INO80D: variants seen among roughly 807,000 people sequenced by gnomAD.
The protein encoded by INO80D is INO80 complex subunit D.
Under a neutral mutation model 87.6 loss-of-function variants are expected in INO80D, and 21 were observed. The observed-to-expected ratio is 0.24, with a 90% CI of 0.17 to 0.35. INO80D has a LOEUF of 0.35. INO80D is among the 10% of genes least tolerant of loss of function. INO80D has a pLI of 1.00. For synonymous variants in INO80D, 440 were observed against 491.0 expected, an observed-to-expected ratio of 0.90 and a Z score of 1.37; for missense variants, 982 against 1,280.7, an observed-to-expected ratio of 0.77 and a Z score of 3.56.
At chr2:206,059,299 T>A (rs1160215941) in intron 3 of INO80D, among the ~76,000 whole-genome samples, 1 of 152,012 alleles carries the variant, frequency 6.6e-6, no homozygotes. Flanking sequence ...CAAAATCCCT[T>A]GAACCCATGA....
intron 1 of INO80D, among the ~76,000 whole-genome samples, chr2:206,080,715 G>A (rs939606734): frequency 2.2e-4 from 34 of 151,942 alleles, no homozygotes; most frequent in African/African-American, 3.9e-4. Context: ...AGACCATCCT[G>A]GCTAACACGG....
chr2:206,068,848 T>C (rs1689886632), intron 1 of INO80D, among the ~76,000 whole-genome samples: 1 of 152,006 alleles, frequency 6.6e-6, no homozygotes, highest in African/African-American at 2.4e-5. Flanking sequence ...TAAAGGCACA[T>C]ACCACTACAC....
At chr2:206,040,853 G>C (rs982841312) in intron 5 of INO80D, 2 of 159,470 alleles carry the variant, frequency 1.3e-5, no homozygotes, top group Non-Finnish European at 2.8e-5. Context: ...TAGATGTTTT[G>C]TTTCCATCTT....
chr2:206,035,741 C>A (rs1261327862), intron 5 of INO80D, among the ~76,000 whole-genome samples: 1 of 152,090 alleles, frequency 6.6e-6, no homozygotes, highest in African/African-American at 2.4e-5. Flanking sequence ...CGTAATTAAA[C>A]TAAAGAGCTT....
Position 205,998,316 on chromosome 2 carries a change from T to G in INO80D, c.*6052A>C, listed in dbSNP as rs1687844234. ...CAGTTCTAGGAACAGTTATAAATGG[T>G]CTAAAGGTGTTCTACATTTTGAGGC... On this transcript the variant is annotated 3_prime_UTR_variant, in exon 11 of 11. Transcript: ENST00000403263. 1 of 152,070 alleles carries G rather than the reference T, an allele frequency of 6.6e-6. No homozygotes were observed. The highest frequency in any genetic ancestry group is 2.4e-5 in the African/African-American group (1 of 41,418). 9.4% of individuals were successfully genotyped at this position (152,070 alleles called of 1,614,324 possible). A position where few individuals can be genotyped will look rare whatever the true frequency, so the allele number is the denominator to read the frequency against.
At chr2:206,050,694 C>T (rs573324529) in intron 4 of INO80D, among the ~76,000 whole-genome samples, 2 of 147,954 alleles carry the variant, frequency 1.4e-5, no homozygotes, top group African/African-American at 5.0e-5. Context: ...TTTCGCCGGG[C>T]GCGGTGGCTC....
chr2:206,028,090 A>C, intron 6 of INO80D, 21 bp downstream of exon 6: 1 of 1,492,238 alleles, frequency 6.7e-7, no homozygotes. Context: ...TCCCTTAAGA[A>C]TAGGTTGCTG....
chr2:206,005,580 C>A, intron 10 of INO80D, 47 bp from the exon 11 acceptor site: 1 of 1,358,686 alleles, frequency 7.4e-7, no homozygotes, highest in Non-Finnish European at 1.0e-6. Flanking sequence ...TTTACCAGTT[C>A]TACATCACAA....
rs1315789936 is a variant in INO80D, at chr2:206,004,561, G to A, written c.2891C>T (p.Ala964Val). ...SGMGPSAELM[A>V]STSPKQQLPQ... ...GAGTTGCTGCTTGGGAGAGGTGGAGGCCATTAGTTCAGCAGAAGGCCCCAT... is the reference window on the plus strand; with the variant it reads ...GAGTTGCTGCTTGGGAGAGGTGGAGACCATTAGTTCAGCAGAAGGCCCCAT... Residue 964 changes from alanine (A) to valine (V), a missense_variant, in exon 11 of 11, where the codon GCC (alanine) becomes GTC (valine). Transcript: ENST00000403263. The surrounding 1 kb of genome is among the most constrained non-coding windows in gnomAD (Gnocchi z 4.9). 2 of 1,610,918 alleles carry A rather than the reference G, an allele frequency of 1.2e-6. No individual in the cohort carries two copies. The highest frequency in any genetic ancestry group is 2.2e-5 in the South Asian group (2 of 90,510).
chr2:206,069,113 T>C (rs952595211), intron 1 of INO80D, among the ~76,000 whole-genome samples: 1 of 152,178 alleles, frequency 6.6e-6, no homozygotes, highest in East Asian at 1.9e-4. Flanking sequence ...TAATTTAATC[T>C]TTTCATTATA....
intron 5 of INO80D, among the ~76,000 whole-genome samples, chr2:206,039,187 C>T (rs745895743): frequency 2.0e-5 from 3 of 152,190 alleles, no homozygotes; most frequent in African/African-American, 4.8e-5. Context: ...CACCTGAGGT[C>T]GGGAGTTCAA....
At chr2:206,063,268 G>T (rs1213396018) in intron 1 of INO80D, 24 bp from the exon 2 acceptor site, 3 of 533,232 alleles carry the variant, frequency 5.6e-6, no homozygotes, top group Non-Finnish European at 9.7e-6. Flanking sequence ...AAAAGGCCTA[G>T]TTAACAAACA....
chr2:206,007,735 T>G (rs2105798186), intron 9 of INO80D: 1 of 234,600 alleles, frequency 4.3e-6, no homozygotes, highest in South Asian at 1.4e-4. Context: ...GGCATGAGAA[T>G]CACTTGAAAC....
intron 1 of INO80D, among the ~76,000 whole-genome samples, chr2:206,081,346 G>A (rs1690278778): frequency 6.6e-6 from 1 of 152,194 alleles, no homozygotes; most frequent in South Asian, 2.1e-4. Context: ...GGGAAAAACA[G>A]GTCTACTCTC....
chr2:206,004,962 A>C lies in INO80D; in HGVS notation c.2490T>G (p.Tyr830Ter). 1 of 1,614,046 alleles carries C rather than the reference A, an allele frequency of 6.2e-7. No homozygotes were observed. The highest frequency in any genetic ancestry group is 1.1e-5 in the South Asian group (1 of 91,084). ...HSHSSPHGSH[Y>*]DSEHVPSPYS... ...AGGGAGACGGCACATGCTCACTATC[A>C]TAATGGCTTCCATGGGGTGAGGAGT... The change falls in exon 11 of 11, where the codon TAT (tyrosine) becomes TAG (stop). Residue 830 changes from tyrosine to a stop codon, truncating the protein, a stop_gained. Coordinates refer to ENST00000403263, the MANE Select transcript of INO80D (RefSeq NM_017759.5). LOFTEE classifies it high-confidence loss of function. The surrounding 1 kb of genome is among the most constrained non-coding windows in gnomAD (Gnocchi z 4.9).
At chr2:206,071,131 G>A (rs1689954345) in intron 1 of INO80D, among the ~76,000 whole-genome samples, 1 of 151,228 alleles carries the variant, frequency 6.6e-6, no homozygotes, top group African/African-American at 2.4e-5. Context: ...GGTAATTTTA[G>A]TATTTTTAGT....
intron 1 of INO80D, among the ~76,000 whole-genome samples, chr2:206,075,270 C>T (rs1690081176): frequency 6.6e-6 from 1 of 152,154 alleles, no homozygotes; most frequent in Admixed American, 6.6e-5. Flanking sequence ...CTCTTTGGGA[C>T]TACCACTTGA....
intron 4 of INO80D, among the ~76,000 whole-genome samples, chr2:206,049,886 C>T (rs927831984): frequency 1.3e-5 from 2 of 152,216 alleles, no homozygotes; most frequent in Non-Finnish European, 2.9e-5. Context: ...AATCCCAGCA[C>T]TTTGGGAGGC....
At position 205,999,986 on chromosome 2, in the gene INO80D, G is replaced by A. The variant is rs955653192; in HGVS notation, c.*4382C>T. The A allele has an allele frequency of 6.6e-6, 1 of 151,874 alleles. No individual in the cohort carries two copies. The allele number at this position is 151,874 out of a possible 1,614,324, so 9.4% of individuals were successfully genotyped here. A position where few individuals can be genotyped will look rare whatever the true frequency, so the allele number is the denominator to read the frequency against. On this transcript the variant is annotated 3_prime_UTR_variant, in exon 11 of 11. Transcript: ENST00000403263. ...TATATAAAAAACTCTCCACTCCCGA[G>A]AAATATATTTTTTGTCAGGAAAAAA...
Sources: allele counts gnomAD v4.1 joint callset (sites outside exome capture counted in the v4.1 genomes callset), GRCh38; gene constraint gnomAD v4.1.1; non-coding constraint Gnocchi (gnomAD v3.1); transcripts MANE v1.5; gene names NCBI Gene and HGNC (gene_info 2026-07-23, HGNC 2026-07-21).